The following PTPRN variants were observed in gnomAD, a reference collection of about 807,000 sequenced individuals.
PTPRN encodes receptor-type tyrosine-protein phosphatase-like N.
Under a neutral mutation model 108.5 loss-of-function variants are expected in PTPRN, and 70 were observed. The observed-to-expected ratio is 0.65, with a 90% CI of 0.53 to 0.79. The LOEUF (loss-of-function observed/expected upper bound fraction) is 0.79, where lower values mean the gene tolerates loss of function less well. Among genes scored for constraint, PTPRN ranks in the 30% least tolerant of loss-of-function variants. The pLI is 0.00. For synonymous variants in PTPRN, 496 were observed against 524.6 expected, an observed-to-expected ratio of 0.95 and a Z score of 0.75; for missense variants, 1,136 against 1,295.5, an observed-to-expected ratio of 0.88 and a Z score of 1.89.
rs780320168 is a variant in PTPRN at position 219,300,115 on chromosome 2, C to A, written c.1306G>T (p.Ala436Ser). Reference protein sequence around the residue: ...SPVSSEPPKAARPPVTPVLLE... With the variant: ...SPVSSEPPKASRPPVTPVLLE... Reference sequence around the variant, plus strand: ...AGGACAGGTGTCACAGGGGGTCTGGCAGCTTTGGGAGGCTCAGAGGAGACA... The same window carrying A: ...AGGACAGGTGTCACAGGGGGTCTGGAAGCTTTGGGAGGCTCAGAGGAGACA... Residue 436 changes from alanine to serine, a missense_variant, in exon 9 of 23, where the codon GCC becomes TCC. By Grantham distance (99) the Ala-to-Ser change is moderately conservative. Transcript: ENST00000295718. The A allele has an allele frequency of 2.5e-6, 4 of 1,613,964 alleles. No individual in the cohort carries two copies. In the Admixed American group the frequency reaches 5.0e-5, roughly 20 times the overall value.
intron 19 of PTPRN, among the ~76,000 whole-genome samples, chr2:219,293,476 G>A (rs966006262): frequency 4.6e-5 from 7 of 152,116 alleles, no homozygotes; most frequent in African/African-American, 2.4e-5. Flanking sequence ...CACCGCGCCC[G>A]GCCCCGAACT....
At chr2:219,293,431 C>T (rs145099149) in intron 19 of PTPRN, among the ~76,000 whole-genome samples, 2 of 152,228 alleles carry the variant, frequency 1.3e-5, no homozygotes, top group Admixed American at 6.5e-5. Context: ...CCACCCACCT[C>T]GGCCTCCCAA....
chr2:219,299,893 C>T, intron 9 of PTPRN, 92 bp downstream of exon 9: 3 of 1,576,198 alleles, frequency 1.9e-6, no homozygotes, highest in Non-Finnish European at 2.6e-6. Flanking sequence ...TTCCCTGTCC[C>T]TGCACGTCTG....
In PTPRN at chr2:219,297,306, T is replaced by C. The variant is rs773275648; in HGVS notation, c.2015A>G (p.His672Arg). 6.2e-7 allele frequency: 1 copy of C among 1,614,094 alleles called. No individual in the cohort carries two copies. Among genetic ancestry groups the C allele is most frequent in the Non-Finnish European group, 8.5e-7 (1 of 1,180,022 alleles). ...SDAAQASPSSHSSTPSWCEEP... is the reference protein window; with the variant it reads ...SDAAQASPSSRSSTPSWCEEP... The stretch of plus-strand genomic sequence containing the variant: ...CTCGCACCAGGACGGGGTGCTGCTG[T>C]GGGAGCTGGGGCTGGCCTGGGCTGC... The change falls in exon 14 of 23, where the codon CAC becomes CGC. Residue 672 changes from histidine (H) to arginine (R), a missense_variant. Transcript: ENST00000295718. This position sits in a 1 kb window ranked among gnomAD's most constrained non-coding sequence, Gnocchi z 6.0.
chr2:219,305,149 C>A (rs1257417739), intron 3 of PTPRN, among the ~76,000 whole-genome samples: 1 of 151,868 alleles, frequency 6.6e-6, no homozygotes, highest in Admixed American at 6.6e-5. Flanking sequence ...GCTTCTGGGA[C>A]ACTGAACACT....
At chr2:219,295,390 T>C (rs1167889487) in intron 18 of PTPRN, 2 of 491,962 alleles carry the variant, frequency 4.1e-6, no homozygotes, top group South Asian at 2.7e-5. Context: ...CTCCTCCCTC[T>C]TCCTCGCAGG....
At chr2:219,308,797 G>T in intron 1 of PTPRN, 1 of 1,263,082 alleles carries the variant, frequency 7.9e-7, no homozygotes. Context: ...CTATGTCTGC[G>T]GCCCAGGCTT....
In PTPRN at chr2:219,290,514, G is replaced by A. The variant is rs1236566751; in HGVS notation, c.2868+24C>T. 6.5e-7 allele frequency: 1 copy of A among 1,547,268 alleles called. No individual in the cohort carries two copies. The highest frequency in any genetic ancestry group is 2.0e-5 in the Admixed American group (1 of 50,954). On this transcript the variant is annotated intron_variant, in intron 22 of 22. Coordinates refer to ENST00000295718, the MANE Select transcript of PTPRN (RefSeq NM_002846.4). The surrounding 1 kb of genome is among the most constrained non-coding windows in gnomAD (Gnocchi z 4.2). ...GTGCTAGGGAAGGGTGGGAGCTGGG[G>A]TTGGGGCAGGAAGGCATGGTCACCT...
At position 219,300,135 on chromosome 2, in the gene PTPRN, G is replaced by A. The variant is rs724159912; in HGVS notation, c.1286C>T (p.Ser429Phe). The A allele has an allele frequency of 1.2e-6, 2 of 1,614,096 alleles. No homozygotes were observed. Among genetic ancestry groups the A allele is most frequent in the Non-Finnish European group, 1.7e-6 (2 of 1,179,984 alleles). Reference sequence around the variant, plus strand: ...TCTGGCAGCTTTGGGAGGCTCAGAGGAGACAGGGCTTGGCACCTGCTGGAC... The same window carrying A: ...TCTGGCAGCTTTGGGAGGCTCAGAGAAGACAGGGCTTGGCACCTGCTGGAC... ...SEVQQVPSPV[S>F]SEPPKAARPP... Residue 429 changes from serine (S) to phenylalanine (F), a missense_variant, in exon 9 of 23, where the codon TCC (serine) becomes TTC (phenylalanine). Transcript: ENST00000295718.
chr2:219,307,728 C>A (rs1952519531), intron 2 of PTPRN, 64 bp downstream of exon 2: 1 of 1,581,898 alleles, frequency 6.3e-7, no homozygotes, highest in Non-Finnish European at 8.7e-7. Flanking sequence ...CTTCTCTCCC[C>A]TTCTTGTTTT....
chr2:219,309,336 T>A lies in PTPRN; in HGVS notation c.-4A>T. Reference sequence around the variant, plus strand: ...CAGGCCGCCGCGGGCGCCGCATCTTTCCGAGCTCCGGGCGCTCGCTCCCGG... The same window carrying A: ...CAGGCCGCCGCGGGCGCCGCATCTTACCGAGCTCCGGGCGCTCGCTCCCGG... On this transcript the variant is annotated 5_prime_UTR_variant, in exon 1 of 23. Transcript: ENST00000295718. The A allele has an allele frequency of 7.0e-7, 1 of 1,421,618 alleles. No individual in the cohort carries two copies. Among genetic ancestry groups the A allele is most frequent in the Non-Finnish European group, 9.3e-7 (1 of 1,078,420 alleles). The allele number at this position is 1,421,618 out of a possible 1,614,324, so 88.1% of individuals were successfully genotyped here.
Position 219,290,245 on chromosome 2 carries a change from A to C in PTPRN, c.2921T>G (p.Leu974Arg), listed in dbSNP as rs1354327512. Residue 974 changes from leucine to arginine, a missense_variant, in exon 23 of 23, where the codon CTC becomes CGC. Physicochemically the swap from Leu to Arg is moderately radical, Grantham distance 102. Transcript: ENST00000295718. The surrounding 1 kb of genome is among the most constrained non-coding windows in gnomAD (Gnocchi z 4.2). The part of the protein sequence containing the change: ...TAVAEEVNAI[L>R]KALPQ ...AGGGTCTCACTGGGGCAGGGCCTTGAGGATGGCATTCACTTCCTCCGCCAC... is the reference window on the plus strand; with the variant it reads ...AGGGTCTCACTGGGGCAGGGCCTTGCGGATGGCATTCACTTCCTCCGCCAC... 2 of 1,614,022 alleles carry C rather than the reference A, an allele frequency of 1.2e-6. No homozygotes were observed. The highest frequency in any genetic ancestry group is 3.3e-5 in the Admixed American group (2 of 60,010).
chr2:219,298,101 C>G lies in PTPRN; in HGVS notation c.1671G>C (p.Arg557Ser). The change falls in exon 13 of 23, where the codon AGG becomes AGC. Residue 557 changes from arginine to serine, a missense_variant and splice_region_variant. Transcript: ENST00000295718. ...LQILQTGVGQ[R>S]EEAAAVLPQT... ...GGGGAAGGACTGCAGCTGCCTCCTC[C>G]CTCTGTGGGAACAAGGCTAGAATCA... 6.2e-7 allele frequency: 1 copy of G among 1,611,944 alleles called. No individual in the cohort carries two copies. Among genetic ancestry groups the G allele is most frequent in the African/African-American group, 1.3e-5 (1 of 75,064 alleles).
In PTPRN at chr2:219,296,798, T is replaced by C. The variant is rs559253599; in HGVS notation, c.2261A>G (p.Lys754Arg). 5 of 1,613,736 alleles carry C rather than the reference T, an allele frequency of 3.1e-6. No homozygotes were observed. The highest frequency in any genetic ancestry group is 4.2e-6 in the Non-Finnish European group (5 of 1,179,936). ...GCTCCGAGAAGGGCTGCTCTCCACCTTCAGTTTTATGCGGGCATGGTCATC... is the reference window on the plus strand; with the variant it reads ...GCTCCGAGAAGGGCTGCTCTCCACCCTCAGTTTTATGCGGGCATGGTCATC... ...LPYDHARIKL[K>R]VESSPSRSDY... Residue 754 changes from lysine (K) to arginine (R), a missense_variant, in exon 16 of 23, where the codon AAG (lysine) becomes AGG (arginine). Physicochemically the swap from Lys to Arg is conservative, Grantham distance 26. Coordinates refer to ENST00000295718, the MANE Select transcript of PTPRN (RefSeq NM_002846.4). This position sits in a 1 kb window ranked among gnomAD's most constrained non-coding sequence, Gnocchi z 6.0.
chr2:219,308,843 C>A (rs1952551082), intron 1 of PTPRN: 1 of 1,318,582 alleles, frequency 7.6e-7, no homozygotes, highest in African/African-American at 1.5e-5. Context: ...TCATTCTCCC[C>A]GCCACCTCCC....
intron 4 of PTPRN, 86 bp from the exon 5 acceptor site, chr2:219,302,923 G>C: frequency 1.3e-6 from 2 of 1,504,290 alleles, no homozygotes; most frequent in South Asian, 1.2e-5. Context: ...GGCCAGGCAG[G>C]CTCAGCGGTT....
In PTPRN at chr2:219,290,279, G is replaced by C. The variant is rs761559796; in HGVS notation, c.2887C>G (p.Leu963Val). ...TTCACTTCCTCCGCCACGGCTGTCAGGGCAAATTCAAACTGGTCCTGAGGA... is the reference window on the plus strand; with the variant it reads ...TTCACTTCCTCCGCCACGGCTGTCACGGCAAATTCAAACTGGTCCTGAGGA... ...VRSKDQFEFA[L>V]TAVAEEVNAI... Residue 963 changes from leucine (L) to valine (V), a missense_variant, in exon 23 of 23, where the codon CTG becomes GTG. Transcript: ENST00000295718. The surrounding 1 kb of genome is among the most constrained non-coding windows in gnomAD (Gnocchi z 4.2). 6.2e-7 allele frequency: 1 copy of C among 1,613,896 alleles called. No individual in the cohort carries two copies. The highest frequency in any genetic ancestry group is 8.5e-7 in the Non-Finnish European group (1 of 1,179,864).
At chr2:219,292,817 G>A (rs1365681153) in intron 19 of PTPRN, 1 of 152,190 alleles carries the variant, frequency 6.6e-6, no homozygotes, top group Non-Finnish European at 1.5e-5. Flanking sequence ...TCCGCCTCCT[G>A]TTAGATCAGC....
Position 219,303,757 on chromosome 2 carries a change from G to C in PTPRN, c.355C>G (p.Pro119Ala). The C allele has an allele frequency of 6.2e-7, 1 of 1,614,068 alleles. No individual in the cohort carries two copies. The highest frequency in any genetic ancestry group is 1.1e-5 in the South Asian group (1 of 91,080). The change falls in exon 4 of 23, where the codon CCA (proline) becomes GCA (alanine). Residue 119 changes from proline to alanine, a missense_variant. By Grantham distance (27) the Pro-to-Ala change is conservative (BLOSUM62 -1). Coordinates refer to ENST00000295718, the MANE Select transcript of PTPRN (RefSeq NM_002846.4). Reference protein sequence around the residue: ...EMERIPRLRPPEPRPRDRSGL... With the variant: ...EMERIPRLRPAEPRPRDRSGL... Reference sequence around the variant, plus strand: ...TACCTGTCCCTTGGACGGGGCTCTGGGGGGCGAAGCCTGGGGATGCGCTCC... The same window carrying C: ...TACCTGTCCCTTGGACGGGGCTCTGCGGGGCGAAGCCTGGGGATGCGCTCC...
Sources: gnomAD v4.1 joint callset for allele counts (sites outside exome capture counted in the v4.1 genomes callset) on GRCh38, gnomAD v4.1.1 for gene constraint, Gnocchi (gnomAD v3.1) non-coding constraint, MANE v1.5 for transcripts, NCBI Gene and HGNC (gene_info 2026-07-23, HGNC 2026-07-21) for gene names.